Variants in SMOC2 observed in about 807,000 individuals in gnomAD.
SMOC2 encodes the protein SPARC-related modular calcium-binding protein 2.
In SMOC2, 39 loss-of-function variants were observed where a neutral mutation model predicts 61.4. The ratio of observed to expected loss-of-function variants is 0.64; its 90% CI spans 0.49 to 0.83. SMOC2 has a LOEUF of 0.83. Ranked by LOEUF, SMOC2 falls within the 40% of genes least tolerant of loss-of-function variation. The pLI is 0.00. For synonymous variants in SMOC2, 247 were observed against 239.9 expected (o/e 1.03, Z -0.27); for missense variants, 556 against 592.9 (o/e 0.94, Z 0.65).
At chr6:168,628,633 T>C (rs924261713) in intron 9 of SMOC2, among the ~76,000 whole-genome samples, 5 of 152,252 alleles carry the variant, frequency 3.3e-5, no homozygotes. Context: ...TTCCTTCTCC[T>C]AAGTCCCCAC....
At chr6:168,617,323 TATTA>T (rs1366555907) in intron 9 of SMOC2, among the ~76,000 whole-genome samples, 2 of 152,222 alleles carry the variant, frequency 1.3e-5, no homozygotes, top group Non-Finnish European at 2.9e-5. Context: ...TTTTTCTGTT[TATTA>T]ATTGATACTT....
chr6:168,506,465 G>C (rs1013861694), intron 1 of SMOC2, among the ~76,000 whole-genome samples: 1 of 152,208 alleles, frequency 6.6e-6, no homozygotes, highest in African/African-American at 2.4e-5. Flanking sequence ...TTTTAAACAT[G>C]TTAAGATTTG....
chr6:168,574,872 C>A (rs1784759830), intron 7 of SMOC2, among the ~76,000 whole-genome samples: 1 of 152,184 alleles, frequency 6.6e-6, no homozygotes, highest in Admixed American at 6.5e-5. Flanking sequence ...CGGCCACCGC[C>A]CTTTGCATGA....
intron 7 of SMOC2, among the ~76,000 whole-genome samples, chr6:168,577,403 C>T (rs998931695): frequency 2.6e-5 from 4 of 152,226 alleles, no homozygotes; most frequent in Non-Finnish European, 5.9e-5. Context: ...CTGCTGGCAC[C>T]TAAACTCTGA....
intron 9 of SMOC2, among the ~76,000 whole-genome samples, chr6:168,628,931 C>T (rs890684984): frequency 2.6e-5 from 4 of 152,238 alleles, no homozygotes; most frequent in African/African-American, 4.8e-5. Flanking sequence ...GAGGGCAGTC[C>T]GGTCCCTGAG....
chr6:168,526,598 A>G, intron 3 of SMOC2, 146 bp downstream of exon 3: 1 of 642,906 alleles, frequency 1.6e-6, no homozygotes, highest in South Asian at 1.9e-5. Flanking sequence ...TGCATTTTAG[A>G]AGTTAATTCG....
chr6:168,628,890 C>T (rs1014067421), intron 9 of SMOC2, among the ~76,000 whole-genome samples: 1 of 152,246 alleles, frequency 6.6e-6, no homozygotes. Context: ...ACACAGTTTC[C>T]GACCTTGGGC....
At chr6:168,472,492 A>C (rs1220542623) in intron 1 of SMOC2, among the ~76,000 whole-genome samples, 1 of 151,982 alleles carries the variant, frequency 6.6e-6, no homozygotes, top group Non-Finnish European at 1.5e-5. Flanking sequence ...CCCTTAACAA[A>C]AAAAGTTTTT....
At position 168,608,232 on chromosome 6, in the gene SMOC2, G is replaced by C. The variant is rs1375052064; in HGVS notation, c.900G>C (p.Gln300His). Residue 300 changes from glutamine (Q) to histidine (H), a missense_variant, in exon 9 of 13, where the codon CAG becomes CAC. By Grantham distance (24) the Gln-to-His change is conservative. Coordinates refer to ENST00000356284, the MANE Select transcript of SMOC2 (RefSeq NM_001166412.2). ...AKARDLYKGR[Q>H]LQGCPGAKKH... ...CCCGGGACCTGTACAAGGGCCGCCA[G>C]CTACAAGGTGAGCAGCACCCGCGAG... The C allele has an allele frequency of 6.2e-7, 1 of 1,612,358 alleles. No homozygotes were observed. Among genetic ancestry groups the C allele is most frequent in the East Asian group, 2.2e-5 (1 of 44,832 alleles).
At chr6:168,532,756 G>A (rs12527757) in intron 4 of SMOC2, among the ~76,000 whole-genome samples, 8,323 of 152,264 alleles carry the variant, frequency 0.055, 397 homozygotes, top group East Asian at 0.23. Flanking sequence ...TTGAGTTACA[G>A]AAGAGGGATA....
intron 6 of SMOC2, 71 bp from the exon 7 acceptor site, chr6:168,549,058 A>G (rs936177990): frequency 8.1e-7 from 1 of 1,237,120 alleles, no homozygotes; most frequent in Admixed American, 1.7e-5. Context: ...TACTTGCTGC[A>G]CTGCGTAACT....
intron 9 of SMOC2, among the ~76,000 whole-genome samples, chr6:168,625,261 C>T (rs376558658): frequency 7.9e-5 from 12 of 152,208 alleles, no homozygotes; most frequent in African/African-American, 2.4e-4. Context: ...TGCTGCCCCT[C>T]GGGAAGAAAG....
chr6:168,624,756 CA>C (rs1786350004), intron 9 of SMOC2, among the ~76,000 whole-genome samples: 1 of 151,470 alleles, frequency 6.6e-6, no homozygotes, highest in African/African-American at 2.4e-5. Flanking sequence ...CACACACTCA[CA>C]GACACATGCA....
At chr6:168,603,462 T>C (rs929730966) in intron 8 of SMOC2, among the ~76,000 whole-genome samples, 1 of 151,476 alleles carries the variant, frequency 6.6e-6, no homozygotes, top group South Asian at 2.1e-4. Flanking sequence ...AGCAGAGGAG[T>C]GATACAATCT....
chr6:168,603,594 G>A (rs966293925), intron 8 of SMOC2, among the ~76,000 whole-genome samples: 1 of 152,072 alleles, frequency 6.6e-6, no homozygotes, highest in Admixed American at 6.5e-5. Context: ...AACAAAACAG[G>A]TACAGTCCAT....
chr6:168,509,792 G>C, intron 1 of SMOC2, 123 bp from the exon 2 acceptor site: 1 of 842,950 alleles, frequency 1.2e-6, no homozygotes, highest in Non-Finnish European at 1.8e-6. Flanking sequence ...GTGAGAACCG[G>C]GTGGTGTTAT....
At chr6:168,443,155 T>A (rs1461936249) in intron 1 of SMOC2, among the ~76,000 whole-genome samples, 3 of 152,194 alleles carry the variant, frequency 2.0e-5, no homozygotes, top group Admixed American at 6.5e-5. Flanking sequence ...ATTTTCAGAT[T>A]TTCTGAAAGC....
At chr6:168,569,780 A>G (rs1426017957) in intron 7 of SMOC2, among the ~76,000 whole-genome samples, 1 of 152,090 alleles carries the variant, frequency 6.6e-6, no homozygotes, top group Non-Finnish European at 1.5e-5. Flanking sequence ...TGTTCTGTAA[A>G]TATTTTCTCC....
chr6:168,631,655 T>G (rs1041703352), intron 9 of SMOC2, among the ~76,000 whole-genome samples: 2 of 151,956 alleles, frequency 1.3e-5, no homozygotes, highest in Non-Finnish European at 2.9e-5. Context: ...TTGTTTCTGG[T>G]TGGTTGTGTT....
Sources: allele counts gnomAD v4.1 joint callset (sites outside exome capture counted in the v4.1 genomes callset), GRCh38; gene constraint gnomAD v4.1.1; transcripts MANE v1.5; gene names NCBI Gene and HGNC (gene_info 2026-07-23, HGNC 2026-07-21).